EBF1: variants seen among roughly 807,000 people sequenced by gnomAD.
The protein encoded by EBF1 is EBF transcription factor 1, also known as transcription factor COE1.
Under a neutral mutation model 68.4 loss-of-function variants are expected in EBF1, and 10 were observed. The observed-to-expected ratio is 0.15, with a 90% CI of 0.09 to 0.25. The LOEUF (loss-of-function observed/expected upper bound fraction) is 0.25. Among genes scored for constraint, EBF1 ranks in the 10% least tolerant of loss-of-function variants. The pLI is 1.00. For synonymous variants in EBF1, 298 were observed against 299.8 expected (o/e 0.99, Z 0.06); for missense variants, 509 against 794.4 (o/e 0.64, Z 4.32).
rs779495405 is a variant in EBF1, at chr5:158,967,411, C to T, written c.554+105985G>A. On this transcript the variant is annotated intron_variant, in intron 6 of 15. Coordinates refer to ENST00000313708, the MANE Select transcript of EBF1 (RefSeq NM_024007.5). The stretch of plus-strand genomic sequence containing the variant: ...TGGAACACAAAAGACGTCTTTATTA[C>T]CATCAAGATGCTTGTTGTAGGATAA... 2.1e-4 allele frequency among the ~76,000 whole-genome samples: 32 copies of T among 152,158 alleles called. 1 individual carries two copies. The highest frequency in any genetic ancestry group is 4.6e-4 in the Non-Finnish European group (31 of 68,028).
At chr5:158,801,739 C>T (rs1780628205) in intron 8 of EBF1, among the ~76,000 whole-genome samples, 1 of 151,866 alleles carries the variant, frequency 6.6e-6, no homozygotes, top group Admixed American at 6.6e-5. Flanking sequence ...GTTCTGTGTG[C>T]AGACAACTGC....
intron 6 of EBF1, among the ~76,000 whole-genome samples, chr5:159,064,899 C>CTTTTTTTTTTTTTTTTTTTTTT (rs57256923): frequency 1.5e-5 from 1 of 67,912 alleles, no homozygotes. Flanking sequence ...CTCTTTTCAT[C>CTTTTTTTTTTTTTTTTTTTTTT]TTTTTTTTTT....
At chr5:158,711,881 A>G (rs1242573628) in intron 14 of EBF1, among the ~76,000 whole-genome samples, 3 of 152,172 alleles carry the variant, frequency 2.0e-5, no homozygotes, top group South Asian at 2.1e-4. Context: ...AACTCAGAGC[A>G]TGGGTTCCTG....
chr5:158,700,590 C>T (rs1160350329), intron 15 of EBF1, among the ~76,000 whole-genome samples: 1 of 151,942 alleles, frequency 6.6e-6, no homozygotes, highest in Non-Finnish European at 1.5e-5. Flanking sequence ...GCTCTTAGCC[C>T]CAAGACCCCC....
At position 158,697,372 on chromosome 5, in the gene EBF1, T is replaced by C. The variant is rs183324502; in HGVS notation, c.*1739A>G. 97 of 199,584 alleles carry C rather than the reference T, an allele frequency of 4.9e-4. 2 individuals are homozygous for C. The East Asian group carries it at 6.9e-3, about 14-fold the overall frequency. The allele number at this position is 199,584 out of a possible 1,614,324, so 12.4% of individuals were successfully genotyped here. A position where few individuals can be genotyped will look rare whatever the true frequency, so the allele number is the denominator to read the frequency against. On this transcript the variant is annotated 3_prime_UTR_variant, in exon 16 of 16. Coordinates refer to ENST00000313708, the MANE Select transcript of EBF1 (RefSeq NM_024007.5). Reference sequence around the variant, plus strand: ...GGTGGAAATTAAAAAAACTGAAGCATGGTTTATAACAATACTAAAAATAAC... The same window carrying C: ...GGTGGAAATTAAAAAAACTGAAGCACGGTTTATAACAATACTAAAAATAAC...
At chr5:158,911,070 A>C (rs1334527552) in intron 6 of EBF1, among the ~76,000 whole-genome samples, 1 of 152,116 alleles carries the variant, frequency 6.6e-6, no homozygotes, top group Non-Finnish European at 1.5e-5. Flanking sequence ...CATGTACCAT[A>C]GTCTCCTTTC....
At chr5:158,731,026 C>G (rs1342163561) in intron 11 of EBF1, 43 bp downstream of exon 11, 2 of 1,580,814 alleles carry the variant, frequency 1.3e-6, no homozygotes, top group East Asian at 2.2e-5. Context: ...GCAAATCGCT[C>G]AAGTCCAAAT....
chr5:158,928,598 G>A (rs528286647), intron 6 of EBF1, among the ~76,000 whole-genome samples: 1 of 152,280 alleles, frequency 6.6e-6, no homozygotes, highest in African/African-American at 2.4e-5. Flanking sequence ...TCTCTACAGC[G>A]CAGCAATGAA....
intron 7 of EBF1, among the ~76,000 whole-genome samples, chr5:158,827,901 GAC>G (rs1331395889): frequency 6.6e-6 from 1 of 152,144 alleles, no homozygotes; most frequent in African/African-American, 2.4e-5. Context: ...AGAATATTGT[GAC>G]AGTTAAGTAT....
At chr5:158,756,454 T>C (rs1159564696) in intron 10 of EBF1, among the ~76,000 whole-genome samples, 2 of 152,122 alleles carry the variant, frequency 1.3e-5, no homozygotes, top group African/African-American at 4.8e-5. Context: ...TTTTTTTAAA[T>C]TGAGTAACTT....
At chr5:159,006,334 G>T (rs917216631) in intron 6 of EBF1, among the ~76,000 whole-genome samples, 1 of 151,938 alleles carries the variant, frequency 6.6e-6, no homozygotes, top group Non-Finnish European at 1.5e-5. Context: ...TATTTAGTGG[G>T]GATGACACCA....
intron 14 of EBF1, among the ~76,000 whole-genome samples, chr5:158,709,915 T>C (rs899884635): frequency 6.6e-6 from 1 of 152,152 alleles, no homozygotes; most frequent in South Asian, 2.1e-4. Context: ...GTGATCATTA[T>C]GTGTATTTAG....
chr5:158,973,894 CA>C (rs1477896151), intron 6 of EBF1, among the ~76,000 whole-genome samples: 3 of 152,192 alleles, frequency 2.0e-5, no homozygotes, highest in Non-Finnish European at 4.4e-5. Context: ...CACCTCTCCC[CA>C]CCTGGGCCAG....
chr5:158,850,009 A>G (rs1792321038), intron 6 of EBF1, among the ~76,000 whole-genome samples: 1 of 152,224 alleles, frequency 6.6e-6, no homozygotes, highest in Non-Finnish European at 1.5e-5. Flanking sequence ...TTAGTTTCAT[A>G]TTGCATAATT....
chr5:158,879,540 T>C (rs939466838), intron 6 of EBF1, among the ~76,000 whole-genome samples: 1 of 152,196 alleles, frequency 6.6e-6, no homozygotes, highest in African/African-American at 2.4e-5. Flanking sequence ...AATAAAATCA[T>C]GTTGAAAAGT....
At chr5:159,058,020 C>T (rs62385433) in intron 6 of EBF1, among the ~76,000 whole-genome samples, 2,380 of 152,242 alleles carry the variant, frequency 0.016, 22 homozygotes, top group Non-Finnish European at 0.024. Context: ...TTTTGTATGT[C>T]TTGGTATACA....
At chr5:159,047,197 G>A (rs954309283) in intron 6 of EBF1, among the ~76,000 whole-genome samples, 1 of 152,208 alleles carries the variant, frequency 6.6e-6, no homozygotes, top group East Asian at 1.9e-4. Flanking sequence ...TGAAGGGAAA[G>A]GGGCTAGAAT....
At chr5:159,096,707 G>C (rs1000415505) in intron 2 of EBF1, 1 of 606,380 alleles carries the variant, frequency 1.6e-6, no homozygotes, top group Non-Finnish European at 2.9e-6. Context: ...AGTGGAGGGC[G>C]GGTTCATTCC....
At chr5:158,823,073 T>C in intron 8 of EBF1, 103 bp downstream of exon 8, 1 of 1,529,290 alleles carries the variant, frequency 6.5e-7, no homozygotes, top group Non-Finnish European at 9.0e-7. Flanking sequence ...AAAAGACTTT[T>C]GAAATTTGAA....
Sources: allele counts gnomAD v4.1 joint callset (sites outside exome capture counted in the v4.1 genomes callset), GRCh38; gene constraint gnomAD v4.1.1; transcripts MANE v1.5; gene names NCBI Gene and HGNC (gene_info 2026-07-23, HGNC 2026-07-21).